Variants in CNTNAP2 observed in about 807,000 individuals in gnomAD.
CNTNAP2 encodes contactin-associated protein-like 2.
CNTNAP2 carries 98 observed loss-of-function variants against 155.2 expected under a neutral mutation model. The observed-to-expected ratio is 0.63, with a 90% CI of 0.54 to 0.75. The LOEUF is 0.75. CNTNAP2 is among the 30% of genes least tolerant of loss of function. The probability of loss-of-function intolerance (pLI) is 0.00; values close to 1 mark genes in which losing one functional copy is unlikely to be tolerated. For missense variants in CNTNAP2, 1,727 were observed against 1,688.1 expected (o/e 1.02, Z -0.40); for synonymous variants, 651 against 631.2 (o/e 1.03, Z -0.47).
intron 1 of CNTNAP2, among the ~76,000 whole-genome samples, chr7:146,566,480 C>T (rs1258679945): frequency 1.3e-5 from 2 of 151,982 alleles, no homozygotes; most frequent in Non-Finnish European, 2.9e-5. Context: ...GAGGCTGAGG[C>T]GGGCGGATCA....
intron 1 of CNTNAP2, among the ~76,000 whole-genome samples, chr7:146,188,379 A>G (rs546286074): frequency 6.6e-6 from 1 of 152,324 alleles, no homozygotes; most frequent in East Asian, 1.9e-4. Context: ...CAGTCATTTA[A>G]TATCTTACTT....
At chr7:147,082,465 T>A (rs1404121748) in intron 4 of CNTNAP2, 1 of 152,124 alleles carries the variant, frequency 6.6e-6, no homozygotes, top group African/African-American at 2.4e-5. Flanking sequence ...CAAAGGAGAA[T>A]AGAAAACTAG....
At chr7:146,721,792 A>G (rs1360531859) in intron 1 of CNTNAP2, among the ~76,000 whole-genome samples, 1 of 119,040 alleles carries the variant, frequency 8.4e-6, no homozygotes. Flanking sequence ...TATAGTCTAC[A>G]TATATAGACT....
intron 14 of CNTNAP2, among the ~76,000 whole-genome samples, chr7:147,957,764 G>A (rs896267163): frequency 4.6e-5 from 7 of 152,164 alleles, no homozygotes; most frequent in South Asian, 2.1e-4. Context: ...AATTGTATAC[G>A]TAAAAAAAGA....
intron 17 of CNTNAP2, among the ~76,000 whole-genome samples, chr7:148,147,940 T>C (rs1805223562): frequency 6.6e-6 from 1 of 152,154 alleles, no homozygotes; most frequent in Non-Finnish European, 1.5e-5. Context: ...TCCTCAGCTA[T>C]AAAATCAGAG....
In CNTNAP2 at chr7:147,483,087, A is replaced by G. The variant is rs867124629; in HGVS notation, c.1671-2848A>G. Among the ~76,000 whole-genome samples, 3 of 152,048 alleles carry G rather than the reference A, an allele frequency of 2.0e-5. No individual in the cohort carries two copies. The South Asian group carries it at 6.2e-4, about 32-fold the overall frequency. ...AAATAATAAAAATAAGAATTATAAG[A>G]AAGAAAAATATTAAAATTGTATCTA... On this transcript the variant is annotated intron_variant, in intron 10 of 23. Coordinates refer to ENST00000361727, the MANE Select transcript of CNTNAP2 (RefSeq NM_014141.6).
intron 8 of CNTNAP2, among the ~76,000 whole-genome samples, chr7:147,212,151 A>C (rs1584795730): frequency 6.6e-6 from 1 of 152,292 alleles, no homozygotes; most frequent in South Asian, 2.1e-4. Context: ...TGTTGGTAGG[A>C]ATATAAATTA....
intron 10 of CNTNAP2, among the ~76,000 whole-genome samples, chr7:147,436,662 G>A (rs959999822): frequency 1.9e-4 from 29 of 152,170 alleles, no homozygotes; most frequent in Non-Finnish European, 3.7e-4. Context: ...ACAAAGGGAT[G>A]AAGAGTTTTT....
At chr7:146,273,884 T>C (rs1233901333) in intron 1 of CNTNAP2, among the ~76,000 whole-genome samples, 1 of 152,124 alleles carries the variant, frequency 6.6e-6, no homozygotes, top group East Asian at 1.9e-4. Flanking sequence ...GAATAAAATG[T>C]AAATACTATA....
intron 10 of CNTNAP2, among the ~76,000 whole-genome samples, chr7:147,469,533 C>G (rs6967948): frequency 1.8e-5 from 1 of 57,030 alleles, no homozygotes; most frequent in African/African-American, 6.4e-5. Context: ...TTTTTTTTTT[C>G]TGTGAGACAA....
chr7:147,473,753 G>A (rs746255867), intron 10 of CNTNAP2, among the ~76,000 whole-genome samples: 13 of 152,098 alleles, frequency 8.5e-5, no homozygotes, highest in Admixed American at 7.9e-4. Flanking sequence ...CTACATTTCT[G>A]TGGTATCAGT....
rs3084356 is a variant in CNTNAP2, at chr7:147,225,878, A to AGAAGGAAG, written c.1349-74243_1349-74236dup. ...AGGAGGGAAAGAAGGAAGGAGGGAA[A>AGAAGGAAG]GAAGGAAGGAAGGAAGGAAGGAAGG... On this transcript the variant is annotated intron_variant, in intron 8 of 23. Transcript: ENST00000361727. Among the ~76,000 whole-genome samples, 1,022 of 111,642 alleles carry AGAAGGAAG rather than the reference A, an allele frequency of 9.2e-3. 21 individuals carry two copies. The highest frequency in any genetic ancestry group is 0.01 in the African/African-American group (300 of 28,892). The allele number at this position is 111,642 out of a possible 152,430, so 73.2% of individuals were successfully genotyped here.
chr7:146,224,921 T>C (rs1799268247), intron 1 of CNTNAP2, among the ~76,000 whole-genome samples: 1 of 152,098 alleles, frequency 6.6e-6, no homozygotes, highest in Non-Finnish European at 1.5e-5. Flanking sequence ...ATAACAGAAA[T>C]GCCCTTTGCA....
intron 9 of CNTNAP2, among the ~76,000 whole-genome samples, chr7:147,351,283 A>C (rs1265121757): frequency 1.3e-5 from 2 of 151,940 alleles, no homozygotes; most frequent in African/African-American, 4.8e-5. Flanking sequence ...ATTTAAGCTT[A>C]TAAATTTGTA....
intron 9 of CNTNAP2, among the ~76,000 whole-genome samples, chr7:147,310,352 A>C (rs1200411061): frequency 6.6e-6 from 1 of 152,170 alleles, no homozygotes; most frequent in Non-Finnish European, 1.5e-5. Context: ...GCCATTTACC[A>C]TTGACATGTT....
intron 1 of CNTNAP2, among the ~76,000 whole-genome samples, chr7:146,304,793 A>G (rs1800678846): frequency 6.6e-6 from 1 of 151,852 alleles, no homozygotes; most frequent in South Asian, 2.1e-4. Flanking sequence ...AATTCTCTGT[A>G]TTTCCTAAAT....
chr7:146,808,604 A>T (rs192473376), intron 2 of CNTNAP2, among the ~76,000 whole-genome samples: 1 of 152,222 alleles, frequency 6.6e-6, no homozygotes, highest in Non-Finnish European at 1.5e-5. Context: ...GTTTGCAAGG[A>T]TTATCAAAAT....
intron 20 of CNTNAP2, among the ~76,000 whole-genome samples, chr7:148,254,793 A>C (rs1796432274): frequency 7.3e-6 from 1 of 136,218 alleles, no homozygotes; most frequent in African/African-American, 2.7e-5. Flanking sequence ...AAAAAAAAAA[A>C]AACTTAACCA....
chr7:146,563,711 C>A (rs1798315422), intron 1 of CNTNAP2, among the ~76,000 whole-genome samples: 1 of 152,156 alleles, frequency 6.6e-6, no homozygotes, highest in Non-Finnish European at 1.5e-5. Flanking sequence ...ATCTTAAGAC[C>A]AGTTAAAAGG....
Sources: gnomAD v4.1 joint callset for allele counts (sites outside exome capture counted in the v4.1 genomes callset) on GRCh38, gnomAD v4.1.1 for gene constraint, MANE v1.5 for transcripts, NCBI Gene and HGNC (gene_info 2026-07-23, HGNC 2026-07-21) for gene names.